The following CPNE4 variants were observed in gnomAD, a reference collection of about 807,000 sequenced individuals.
The protein encoded by CPNE4 is copine-4.
A neutral mutation model predicts 67.9 loss-of-function variants in CPNE4; 25 were observed. That is an observed-to-expected ratio of 0.37 (90% CI 0.27 to 0.51). CPNE4 has a LOEUF of 0.51. Among genes scored for constraint, CPNE4 ranks in the 20% least tolerant of loss-of-function variants. CPNE4 has a pLI of 0.93. For missense variants in CPNE4, 464 were observed against 690.8 expected (o/e 0.67, Z 3.68); for synonymous variants, 242 against 244.9 (o/e 0.99, Z 0.11).
In CPNE4 at chr3:131,738,281, T is replaced by C. The variant is rs1157412226; in HGVS notation, c.181-14656A>G. On this transcript the variant is annotated intron_variant, in intron 2 of 15. Coordinates refer to ENST00000429747, the MANE Select transcript of CPNE4 (RefSeq NM_130808.3). Reference sequence around the variant, plus strand: ...TGTGACAAATCCAAGTGGCTCTTCATTGTGATAGTAAGAGCAGTTCTGCAA... The same window carrying C: ...TGTGACAAATCCAAGTGGCTCTTCACTGTGATAGTAAGAGCAGTTCTGCAA... Among the ~76,000 whole-genome samples, 6 of 152,390 alleles carry C rather than the reference T, an allele frequency of 3.9e-5. No individual in the cohort carries two copies. The South Asian group carries it at 6.2e-4, about 16-fold the overall frequency.
chr3:131,615,593 C>A (rs1372697120), intron 7 of CPNE4, among the ~76,000 whole-genome samples: 1 of 152,064 alleles, frequency 6.6e-6, no homozygotes, highest in African/African-American at 2.4e-5. Context: ...TAAAAGTGTT[C>A]TTAAAACCTT....
At chr3:131,992,368 G>T (rs368776772) in intron 1 of CPNE4, among the ~76,000 whole-genome samples, 2 of 136,654 alleles carry the variant, frequency 1.5e-5, no homozygotes, top group African/African-American at 4.9e-5. Flanking sequence ...GGATCATTTC[G>T]GAATTTTAAG....
chr3:132,006,380 G>T (rs998680415), intron 1 of CPNE4, among the ~76,000 whole-genome samples: 2 of 151,994 alleles, frequency 1.3e-5, no homozygotes, highest in Admixed American at 1.3e-4. Context: ...CTTGAAAATA[G>T]GAATCTTTCT....
chr3:131,883,203 T>C (rs183213626), intron 2 of CPNE4, among the ~76,000 whole-genome samples: 56 of 152,256 alleles, frequency 3.7e-4, no homozygotes, highest in African/African-American at 1.2e-3. Flanking sequence ...TCTCTCAACA[T>C]TGGAAGCATG....
chr3:132,038,003 C>CTTTTTTTTTTTTTTTTTT (rs35184182), upstream of CPNE4: 1 of 145,464 alleles, frequency 6.9e-6, no homozygotes, highest in South Asian at 2.1e-4. Flanking sequence ...TATTTTCTTT[C>CTTTTTTTTTTTTTTTTTT]TTTTTTTTTT....
chr3:131,888,685 T>G (rs2087993687), intron 2 of CPNE4, among the ~76,000 whole-genome samples: 1 of 152,144 alleles, frequency 6.6e-6, no homozygotes, highest in Non-Finnish European at 1.5e-5. Context: ...TTCTCTGAGA[T>G]TTCGAGTCCG....
At chr3:131,728,899 CAAAAAAAAAAAAAA>C (rs34269107) in intron 2 of CPNE4, among the ~76,000 whole-genome samples, 1 of 89,994 alleles carries the variant, frequency 1.1e-5, no homozygotes, top group African/African-American at 4.7e-5. Context: ...AACAGAGCCT[CAAAAAAAAAAAAAA>C]AAAAAAAAAA....
At position 131,544,359 on chromosome 3, in the gene CPNE4, A is replaced by ATGTT. The variant is rs144572044; in HGVS notation, c.1303-1570_1303-1567dup. Among the ~76,000 whole-genome samples the ATGTT allele has an allele frequency of 7.0e-3, 1,060 of 152,270 alleles. 13 individuals are homozygous for ATGTT. The highest frequency in any genetic ancestry group is 0.024 in the African/African-American group (1,003 of 41,546). On this transcript the variant is annotated intron_variant, in intron 14 of 15. Transcript: ENST00000429747. ...ATTTTTTTTCTGTGAGCCTGAAAAAATGTTTTAAATGAAAAATGTAAGCTG... is the reference window on the plus strand; with the variant it reads ...ATTTTTTTTCTGTGAGCCTGAAAAAATGTTTGTTTTAAATGAAAAATGTAAGCTG...
intron 2 of CPNE4, among the ~76,000 whole-genome samples, chr3:131,738,392 G>A (rs901317429): frequency 6.6e-6 from 1 of 152,206 alleles, no homozygotes; most frequent in East Asian, 1.9e-4. Flanking sequence ...AAGACATCAG[G>A]CTTTCAAGAA....
At chr3:132,032,247 C>T (rs766356763) in intron 1 of CPNE4, among the ~76,000 whole-genome samples, 22 of 152,126 alleles carry the variant, frequency 1.4e-4, no homozygotes, top group African/African-American at 4.8e-4. Flanking sequence ...GTCACTGTAC[C>T]GCATCTGTGC....
intron 2 of CPNE4, among the ~76,000 whole-genome samples, chr3:131,756,084 G>A (rs1560247821): frequency 1.3e-5 from 2 of 152,010 alleles, no homozygotes; most frequent in Admixed American, 1.3e-4. Context: ...TGTCTATAAA[G>A]AAACAGCGAG....
intron 1 of CPNE4, among the ~76,000 whole-genome samples, chr3:131,999,767 AT>A (rs1298278539): frequency 6.6e-6 from 1 of 151,906 alleles, no homozygotes; most frequent in Non-Finnish European, 1.5e-5. Context: ...TCACATTCAA[AT>A]TTTTTTCATA....
intron 2 of CPNE4, among the ~76,000 whole-genome samples, chr3:131,805,546 A>G (rs2084276429): frequency 6.6e-6 from 1 of 152,184 alleles, no homozygotes; most frequent in South Asian, 2.1e-4. Flanking sequence ...ATTCTCACTC[A>G]GAGTCTCTCA....
chr3:131,870,020 G>C (rs2087125811), intron 2 of CPNE4, among the ~76,000 whole-genome samples: 1 of 152,126 alleles, frequency 6.6e-6, no homozygotes, highest in Non-Finnish European at 1.5e-5. Flanking sequence ...AAGAAGGAAG[G>C]AAGAGCAACA....
chr3:131,636,311 G>C (rs2079383639), intron 7 of CPNE4, among the ~76,000 whole-genome samples: 1 of 152,158 alleles, frequency 6.6e-6, no homozygotes, highest in Admixed American at 6.5e-5. Flanking sequence ...TGGTAAGTGT[G>C]AGACCGGCCT....
intron 7 of CPNE4, among the ~76,000 whole-genome samples, chr3:131,632,027 C>T (rs2079238744): frequency 1.3e-5 from 2 of 150,920 alleles, no homozygotes; most frequent in African/African-American, 4.9e-5. Context: ...TCGCTTGAGC[C>T]CAAGAGGCAG....
At chr3:131,854,024 A>G (rs2086341053) in intron 2 of CPNE4, among the ~76,000 whole-genome samples, 1 of 151,986 alleles carries the variant, frequency 6.6e-6, no homozygotes, top group East Asian at 1.9e-4. Context: ...TAGAAATTTC[A>G]TTTTTATGTA....
chr3:131,810,941 A>C (rs1056629787), intron 2 of CPNE4, among the ~76,000 whole-genome samples: 13 of 152,244 alleles, frequency 8.5e-5, no homozygotes, highest in Admixed American at 2.6e-4. Context: ...AAATAGAAAG[A>C]TACTGTATGA....
chr3:131,850,178 C>T (rs2086180781), intron 2 of CPNE4, among the ~76,000 whole-genome samples: 1 of 151,936 alleles, frequency 6.6e-6, no homozygotes, highest in South Asian at 2.1e-4. Context: ...CAGAATTTTT[C>T]TCAACTTAAT....
Sources: gnomAD v4.1 joint callset for allele counts (sites outside exome capture counted in the v4.1 genomes callset) on GRCh38, gnomAD v4.1.1 for gene constraint, MANE v1.5 for transcripts, NCBI Gene and HGNC (gene_info 2026-07-23, HGNC 2026-07-21) for gene names.